The following PDE4B variants were observed in gnomAD, a reference collection of about 807,000 sequenced individuals.
PDE4B encodes 3',5'-cyclic-AMP phosphodiesterase 4B.
In PDE4B, 20 loss-of-function variants were observed where a neutral mutation model predicts 82.2. The observed-to-expected ratio is 0.24, with a 90% CI of 0.17 to 0.35. PDE4B has a LOEUF of 0.35. PDE4B is among the 10% of genes least tolerant of loss of function. The probability of loss-of-function intolerance (pLI) is 1.00; values close to 1 mark genes in which losing one functional copy is unlikely to be tolerated. For synonymous variants in PDE4B, 320 were observed against 318.9 expected (o/e 1.00, Z -0.04); for missense variants, 655 against 907.2 (o/e 0.72, Z 3.57).
intron 3 of PDE4B, among the ~76,000 whole-genome samples, chr1:66,119,922 A>C (rs758169925): frequency 1.3e-5 from 2 of 152,130 alleles, no homozygotes; most frequent in African/African-American, 4.8e-5. Context: ...AAGCCATGGA[A>C]TCTCTGAGGT....
At chr1:65,859,482 A>G (rs1238796886) in intron 1 of PDE4B, among the ~76,000 whole-genome samples, 1 of 152,168 alleles carries the variant, frequency 6.6e-6, no homozygotes, top group East Asian at 1.9e-4. Flanking sequence ...ATAAATTACA[A>G]CACTTCTTTC....
chr1:66,354,535 A>G, intron 8 of PDE4B: 1 of 1,149,074 alleles, frequency 8.7e-7, no homozygotes, highest in Non-Finnish European at 1.1e-6. Context: ...TTCATAATTC[A>G]TAAGTGCTTC....
intron 7 of PDE4B, chr1:66,331,884 G>A (rs1660138531): frequency 6.1e-6 from 6 of 986,242 alleles, no homozygotes; most frequent in Middle Eastern, 5.2e-4. Context: ...ATTTAAGGGA[G>A]AGAAAGGAAT....
intron 1 of PDE4B, among the ~76,000 whole-genome samples, chr1:65,879,002 A>C (rs1646680444): frequency 6.6e-6 from 1 of 152,210 alleles, no homozygotes; most frequent in Non-Finnish European, 1.5e-5. Context: ...AAGTCTTTAC[A>C]TAGTTATCTT....
chr1:65,882,001 C>G (rs1646714305), intron 1 of PDE4B, among the ~76,000 whole-genome samples: 1 of 152,132 alleles, frequency 6.6e-6, no homozygotes, highest in Admixed American at 6.6e-5. Context: ...TCTACCTGTA[C>G]AAGTTATCAT....
At chr1:66,190,826 G>T (rs570574507) in intron 3 of PDE4B, among the ~76,000 whole-genome samples, 1 of 152,092 alleles carries the variant, frequency 6.6e-6, no homozygotes, top group Non-Finnish European at 1.5e-5. Flanking sequence ...CTCATACTCG[G>T]TGTGCTGCAC....
At chr1:66,360,064 T>A (rs970564279) in intron 9 of PDE4B, among the ~76,000 whole-genome samples, 3 of 152,012 alleles carry the variant, frequency 2.0e-5, no homozygotes, top group Admixed American at 6.6e-5. Context: ...GGGAATCTTT[T>A]AAAAAAAATA....
chr1:65,854,227 A>G (rs1341099408), intron 1 of PDE4B, among the ~76,000 whole-genome samples: 1 of 151,486 alleles, frequency 6.6e-6, no homozygotes, highest in Non-Finnish European at 1.5e-5. Context: ...TTTATTATAT[A>G]CATAATAAAT....
chr1:66,340,921 A>T (rs145025225), intron 8 of PDE4B, among the ~76,000 whole-genome samples: 90 of 152,318 alleles, frequency 5.9e-4, no homozygotes, highest in Non-Finnish European at 2.8e-4. Context: ...GGCACAGTGA[A>T]GTATTAATTT....
chr1:66,051,530 C>T (rs12747154), intron 3 of PDE4B, among the ~76,000 whole-genome samples: 12,525 of 151,976 alleles, frequency 0.082, 971 homozygotes, highest in East Asian at 0.26. Context: ...TTATTCCTCT[C>T]GCTGAAAAAG....
intron 7 of PDE4B, among the ~76,000 whole-genome samples, chr1:66,319,358 A>G (rs1347227628): frequency 6.6e-6 from 1 of 152,220 alleles, no homozygotes; most frequent in Non-Finnish European, 1.5e-5. Flanking sequence ...TCTACAAATA[A>G]AGATAAAATT....
chr1:65,828,607 A>G (rs72933420), intron 1 of PDE4B, among the ~76,000 whole-genome samples: 1,824 of 152,204 alleles, frequency 0.012, 38 homozygotes, highest in African/African-American at 0.042. Flanking sequence ...AAAAATATAT[A>G]TTGTTTTTGT....
intron 7 of PDE4B, among the ~76,000 whole-genome samples, chr1:66,285,495 C>T (rs1009772106): frequency 9.2e-5 from 14 of 152,054 alleles, no homozygotes; most frequent in Non-Finnish European, 1.9e-4. Context: ...CTCACACCCC[C>T]TTACCCTTCC....
intron 1 of PDE4B, among the ~76,000 whole-genome samples, chr1:65,912,927 C>T (rs1647112932): frequency 6.6e-6 from 1 of 152,078 alleles, no homozygotes; most frequent in African/African-American, 2.4e-5. Flanking sequence ...TGGGAATATA[C>T]TTTGTAAACT....
chr1:66,149,003 A>G (rs973860238), intron 3 of PDE4B, among the ~76,000 whole-genome samples: 32 of 152,228 alleles, frequency 2.1e-4, no homozygotes, highest in Non-Finnish European at 8.8e-5. Flanking sequence ...TAGGAGAGAA[A>G]TCGCTAGGTC....
intron 6 of PDE4B, 56 bp downstream of exon 6, chr1:66,257,919 T>C (rs1654372430): frequency 5.3e-6 from 6 of 1,128,924 alleles, no homozygotes; most frequent in Middle Eastern, 2.0e-4. Flanking sequence ...CAAAAAATAT[T>C]GAGCAGCATT....
chr1:66,085,462 A>G (rs1169192367), intron 3 of PDE4B, among the ~76,000 whole-genome samples: 1 of 152,174 alleles, frequency 6.6e-6, no homozygotes, highest in African/African-American at 2.4e-5. Context: ...AAGTGCAAAC[A>G]GGAAAATTTA....
intron 3 of PDE4B, among the ~76,000 whole-genome samples, chr1:66,072,412 G>A (rs1046032653): frequency 6.6e-6 from 1 of 152,010 alleles, no homozygotes; most frequent in Admixed American, 6.6e-5. Context: ...TTTCAAATGT[G>A]TGGATATTTC....
intron 7 of PDE4B, chr1:66,267,075 G>C (rs537603336): frequency 6.4e-6 from 1 of 155,278 alleles, no homozygotes; most frequent in Non-Finnish European, 1.4e-5. Context: ...GGGAACAAAA[G>C]CAGCAGATTC....
Sources: allele counts gnomAD v4.1 joint callset (sites outside exome capture counted in the v4.1 genomes callset), GRCh38; gene constraint gnomAD v4.1.1; transcripts MANE v1.5; gene names NCBI Gene and HGNC (gene_info 2026-07-23, HGNC 2026-07-21).